TMEM35B: variants seen among roughly 807,000 people sequenced by gnomAD.
The protein encoded by TMEM35B is ZMYM6 neighbor protein.
A neutral mutation model predicts 8.7 loss-of-function variants in TMEM35B; 6 were observed. The observed-to-expected ratio is 0.69, with a 90% confidence interval of 0.38 to 1.36. TMEM35B has a LOEUF of 1.36. TMEM35B is among the 40% of genes most tolerant of loss of function. The probability of loss-of-function intolerance (pLI) is 0.02; values close to 1 mark genes in which losing one functional copy is unlikely to be tolerated. For synonymous variants in TMEM35B, 89 were observed against 87.0 expected (o/e 1.02, Z -0.13); for missense variants, 176 against 181.6 (o/e 0.97, Z 0.18).
exon 3 of TMEM35B, chr1:34,982,114 T>C: frequency 6.5e-7 from 1 of 1,544,518 alleles, no homozygotes. Flanking sequence ...AAGGTGAAGA[T>C]AGCCCCTGGA....
At chr1:34,982,418 G>A (rs935411375) in intron 2 of TMEM35B, among the ~76,000 whole-genome samples, 2 of 135,790 alleles carry the variant, frequency 1.5e-5, no homozygotes. Context: ...AGAGTGGATA[G>A]ATTTTAGAAA....
exon 2 of TMEM35B, chr1:34,983,806 G>T: frequency 6.5e-7 from 1 of 1,542,714 alleles, no homozygotes; most frequent in Non-Finnish European, 8.8e-7. Context: ...CTGATCTCTT[G>T]CAGCATCGGT....
At chr1:34,984,390 C>T (rs1557548884) in intron 1 of TMEM35B, among the ~76,000 whole-genome samples, 1 of 152,202 alleles carries the variant, frequency 6.6e-6, no homozygotes, top group East Asian at 1.9e-4. Flanking sequence ...GGCAGGCCCT[C>T]CCCTGAGCCA....
exon 3 of TMEM35B, chr1:34,981,837 TCAACA>T: frequency 8.3e-7 from 1 of 1,201,216 alleles, no homozygotes; most frequent in East Asian, 2.8e-5. Flanking sequence ...AATGTCTCTT[TCAACA>T]CTGGCTGACC....
At chr1:34,981,942 C>T in exon 3 of TMEM35B, 2 of 1,531,506 alleles carry the variant, frequency 1.3e-6, no homozygotes, top group Non-Finnish European at 1.8e-6. Flanking sequence ...GACAGAGATG[C>T]TCTACTTCCA....
chr1:34,981,476 A>T (rs1640506253), downstream of TMEM35B: 2 of 152,250 alleles, frequency 1.3e-5, no homozygotes, highest in South Asian at 4.1e-4. Flanking sequence ...ATTATAGTAC[A>T]TCCTTGCAAT....
intron 2 of TMEM35B, among the ~76,000 whole-genome samples, 190 bp from the exon 3 acceptor site, chr1:34,982,309 A>C (rs1053969870): frequency 2.0e-5 from 3 of 152,114 alleles, no homozygotes; most frequent in African/African-American, 7.2e-5. Context: ...AGGACCAGGA[A>C]ATTAGAAGCC....
At position 34,982,128 on chromosome 1, in the gene TMEM35B, G is replaced by A; in HGVS notation, c.290-9C>T. 2 of 1,539,086 alleles carry A rather than the reference G, an allele frequency of 1.3e-6. No individual in the cohort carries two copies. Among genetic ancestry groups the A allele is most frequent in the South Asian group, 1.2e-5 (1 of 82,420 alleles). On this transcript the variant is annotated splice_polypyrimidine_tract_variant and intron_variant, in intron 2 of 2. Coordinates refer to ENST00000373337, the Ensembl canonical transcript of TMEM35B. The stretch of plus-strand genomic sequence containing the variant: ...CAAGGTGAAGATAGCCCCTGGAATG[G>A]AAAGTGAGGTCCCTGAGGCTCCTTG...
intron 1 of TMEM35B, 83 bp from the exon 2 acceptor site, chr1:34,984,030 G>A (rs1640535599): frequency 1.6e-6 from 2 of 1,269,008 alleles, no homozygotes; most frequent in Non-Finnish European, 2.1e-6. Context: ...ATCTATGCCT[G>A]TGCCCTCAAC....
At chr1:34,982,627 C>A (rs1053938488) in intron 2 of TMEM35B, among the ~76,000 whole-genome samples, 2 of 151,982 alleles carry the variant, frequency 1.3e-5, no homozygotes, top group Non-Finnish European at 2.9e-5. Flanking sequence ...CAGGCGCGCA[C>A]CACCACGCCC....
exon 2 of TMEM35B, chr1:34,983,817 G>A: frequency 1.9e-6 from 3 of 1,543,908 alleles, no homozygotes; most frequent in Non-Finnish European, 2.6e-6. Context: ...CAGCATCGGT[G>A]GGCCCATGAC....
chr1:34,982,992 T>A lies in TMEM35B; in HGVS notation c.289+775A>T, dbSNP rs527304503. Among the ~76,000 whole-genome samples, 4 of 152,288 alleles carry A rather than the reference T, an allele frequency of 2.6e-5. No homozygotes were observed. The East Asian group carries it at 7.7e-4, about 29-fold the overall frequency. ...TTGAAGCAACAGCTGTCTTTGTACA[T>A]CAGCAGTTCCTGTGGGCAGAGCTAC... On this transcript the variant is annotated intron_variant, in intron 2 of 2. Transcript: ENST00000373337.
At chr1:34,983,682 T>C in intron 2 of TMEM35B, 85 bp downstream of exon 2, 1 of 1,156,870 alleles carries the variant, frequency 8.6e-7, no homozygotes, top group Non-Finnish European at 1.1e-6. Context: ...AAAAGAAGGG[T>C]GGCAACAGTA....
intron 1 of TMEM35B, among the ~76,000 whole-genome samples, chr1:34,984,445 C>T (rs1640541672): frequency 6.6e-6 from 1 of 152,182 alleles, no homozygotes; most frequent in Non-Finnish European, 1.5e-5. Flanking sequence ...TTTCCTGTTC[C>T]CACTCCTCAG....
chr1:34,984,709 G>C (rs943198492), intron 1 of TMEM35B, among the ~76,000 whole-genome samples: 30 of 152,324 alleles, frequency 2.0e-4, no homozygotes, highest in African/African-American at 6.7e-4. Context: ...CGAGTTAGGA[G>C]TGTCTAGCTT....
At chr1:34,983,451 C>T (rs1278296055) in intron 2 of TMEM35B, among the ~76,000 whole-genome samples, 1 of 151,726 alleles carries the variant, frequency 6.6e-6, no homozygotes, top group African/African-American at 2.4e-5. Context: ...CTGTGGCAGG[C>T]GCCTGTAGTC....
intron 1 of TMEM35B, among the ~76,000 whole-genome samples, chr1:34,984,325 G>A (rs1273162988): frequency 2.0e-5 from 3 of 152,226 alleles, no homozygotes; most frequent in Non-Finnish European, 4.4e-5. Context: ...GCTGTACAGG[G>A]AATATTTGGA....
At chr1:34,984,531 A>G (rs1188282374) in intron 1 of TMEM35B, among the ~76,000 whole-genome samples, 1 of 152,140 alleles carries the variant, frequency 6.6e-6, no homozygotes, top group Non-Finnish European at 1.5e-5. Context: ...CAGGCCTTGG[A>G]GAGAGATGCC....
At chr1:34,985,323 C>A in exon 1 of TMEM35B, 1 of 1,515,626 alleles carries the variant, frequency 6.6e-7, no homozygotes, top group Non-Finnish European at 8.8e-7. Flanking sequence ...CTCCCCCCAC[C>A]GTGGGTTGGC....
Sources: allele counts gnomAD v4.1 joint callset (sites outside exome capture counted in the v4.1 genomes callset), GRCh38; gene constraint gnomAD v4.1.1; transcripts MANE v1.5; gene names NCBI Gene and HGNC (gene_info 2026-07-23, HGNC 2026-07-21).